The following ERBB3 variants were observed in gnomAD, a reference collection of about 807,000 sequenced individuals.
ERBB3 encodes erb-b2 receptor tyrosine kinase 3.
A neutral mutation model predicts 156.7 loss-of-function variants in ERBB3; 96 were observed. The observed-to-expected ratio is 0.61, with a 90% CI of 0.52 to 0.73. The LOEUF (loss-of-function observed/expected upper bound fraction) is 0.73, where lower values mean the gene tolerates loss of function less well. ERBB3 is among the 30% of genes least tolerant of loss of function. The pLI is 0.00. For synonymous variants in ERBB3, 567 were observed against 632.0 expected, an observed-to-expected ratio of 0.90 and a Z score of 1.54; for missense variants, 1,406 against 1,709.4, an observed-to-expected ratio of 0.82 and a Z score of 3.13.
intron 1 of ERBB3, among the ~76,000 whole-genome samples, chr12:56,081,621 C>T (rs995882657): frequency 3.9e-5 from 6 of 152,160 alleles, no homozygotes; most frequent in Admixed American, 3.9e-4. Context: ...CTGCAATCTT[C>T]ACCCAGAAAC....
intron 1 of ERBB3, among the ~76,000 whole-genome samples, chr12:56,082,972 T>C (rs1868372139): frequency 1.3e-5 from 2 of 152,070 alleles, no homozygotes; most frequent in African/African-American, 4.8e-5. Flanking sequence ...TAGAGTGTGT[T>C]GGGATGGGGG....
Position 56,094,404 on chromosome 12 carries a change from C to A in ERBB3, c.1707C>A (p.Gly569=), listed in dbSNP as rs1565859670. Residue 569 remains glycine (G), a splice_region_variant and synonymous_variant, in exon 15 of 28, where the codon GGC becomes GGA. Transcript: ENST00000267101. The part of the protein sequence containing the change: ...MEGTATCNGS[G]SDTCAQCAHF... ...CTGACCTTCTCTCTTCCACTCAGGG[C>A]TCTGATACTTGTGCTCAATGTGCCC... is the stretch of plus-strand genomic sequence containing the variant. 3 of 1,614,122 alleles carry A rather than the reference C, an allele frequency of 1.9e-6. No individual in the cohort carries two copies. The highest frequency in any genetic ancestry group is 2.2e-5 in the South Asian group (2 of 91,080).
chr12:56,094,380 T>C lies in ERBB3; in HGVS notation c.1705-22T>C, dbSNP rs368190353. 2.5e-5 allele frequency: 41 copies of C among 1,613,966 alleles called. No homozygotes were observed. In the East Asian group the frequency reaches 2.7e-4, roughly 11 times the overall value. ...ATTGACCTTGGGATCTGATTCTTCC[T>C]GACCTTCTCTCTTCCACTCAGGGCT... On this transcript the variant is annotated intron_variant, in intron 14 of 27. Coordinates refer to ENST00000267101, the MANE Select transcript of ERBB3 (RefSeq NM_001982.4).
intron 5 of ERBB3, 27 bp downstream of exon 5, chr12:56,087,669 T>G (rs1266752187): frequency 6.2e-7 from 1 of 1,611,668 alleles, no homozygotes; most frequent in East Asian, 2.2e-5. Context: ...CTCCAAAAAC[T>G]TCACTCATAC....
chr12:56,087,956 G>A (rs1295548818), intron 6 of ERBB3, 43 bp downstream of exon 6: 1 of 1,613,638 alleles, frequency 6.2e-7, no homozygotes, highest in African/African-American at 1.3e-5. Context: ...ATTGGGATGT[G>A]GCCTTTGAGG....
Position 56,092,769 on chromosome 12 carries a change from G to C in ERBB3, c.1132G>C (p.Ala378Pro). Residue 378 changes from alanine to proline, a missense_variant, in exon 10 of 28, where the codon GCC becomes CCC. Transcript: ENST00000267101. Reference sequence around the variant, plus strand: ...CAGAGACCCCTGGCACAAGATCCCTGCCCTGGACCCAGAGAAGCTCAATGT... The same window carrying C: ...CAGAGACCCCTGGCACAAGATCCCTCCCCTGGACCCAGAGAAGCTCAATGT... Reference protein sequence around the residue: ...LNGDPWHKIPALDPEKLNVFR... With the variant: ...LNGDPWHKIPPLDPEKLNVFR... 6.2e-7 allele frequency: 1 copy of C among 1,614,138 alleles called. No individual in the cohort carries two copies. The highest frequency in any genetic ancestry group is 1.1e-5 in the South Asian group (1 of 91,080).
intron 2 of ERBB3, among the ~76,000 whole-genome samples, chr12:56,084,598 C>CAA (rs34576601): frequency 0.45 from 56,193 of 125,068 alleles, 13,749 homozygotes; most frequent in East Asian, 0.77. Context: ...CCTGTCTCAC[C>CAA]AAAAAAAAAA....
intron 1 of ERBB3, among the ~76,000 whole-genome samples, chr12:56,081,358 A>C (rs1868352145): frequency 1.3e-5 from 2 of 152,144 alleles, no homozygotes; most frequent in Non-Finnish European, 2.9e-5. Context: ...GGGACCGTGG[A>C]CACCTGAGGA....
At chr12:56,095,459 G>T in intron 16 of ERBB3, 149 bp downstream of exon 16, 1 of 895,698 alleles carries the variant, frequency 1.1e-6, no homozygotes, top group Non-Finnish European at 1.8e-6. Context: ...CAAGAATGCA[G>T]GCTTCTGGAC....
rs138072655 is a variant in ERBB3 at position 56,095,829 on chromosome 12, T to C, written c.2055+23T>C. On this transcript the variant is annotated intron_variant, in intron 17 of 27. Transcript: ENST00000267101. The stretch of plus-strand genomic sequence containing the variant: ...GAGGTGAGTACTTAGCTTACTTTTG[T>C]TTTTTCTTTTCTTTTTTTGCATGTC... 7.5e-3 allele frequency: 12,131 copies of C among 1,613,924 alleles called. 69 individuals carry two copies. The highest frequency in any genetic ancestry group is 8.9e-3 in the Non-Finnish European group (10,485 of 1,179,866).
chr12:56,092,489 AT>A (rs1368503165), intron 9 of ERBB3, among the ~76,000 whole-genome samples: 1 of 151,236 alleles, frequency 6.6e-6, no homozygotes, highest in Non-Finnish European at 1.5e-5. Context: ...ATCCTTTACA[AT>A]CATTATTTAT....
In ERBB3 at chr12:56,095,238, TG is replaced by T; in HGVS notation, c.1860-17del. On this transcript the variant is annotated intron_variant, in intron 15 of 27. Transcript: ENST00000267101. Reference sequence around the variant, plus strand: ...CTGCTGTCCAAGCTCTCATTTAAGGTGGTGACTTTCTTCCCTAGGTGTAAAG... The same window carrying T: ...CTGCTGTCCAAGCTCTCATTTAAGGTGTGACTTTCTTCCCTAGGTGTAAAG... The T allele has an allele frequency of 6.3e-7, 1 of 1,599,248 alleles. No homozygotes were observed. Among genetic ancestry groups the T allele is most frequent in the Non-Finnish European group, 8.6e-7 (1 of 1,166,448 alleles).
chr12:56,092,600 A>G (rs1868751056), intron 9 of ERBB3, 147 bp from the exon 10 acceptor site: 1 of 695,254 alleles, frequency 1.4e-6, no homozygotes, highest in Non-Finnish European at 2.6e-6. Flanking sequence ...GGCTTATATT[A>G]TATTTCCCCC....
At chr12:56,080,439 C>A in intron 1 of ERBB3, 57 bp downstream of exon 1, 1 of 1,397,404 alleles carries the variant, frequency 7.2e-7, no homozygotes, top group South Asian at 1.2e-5. Context: ...ACCCAGTGCG[C>A]GCAGCCTCGG....
rs779896968 is a variant in ERBB3, at chr12:56,101,914, G to A, written c.3888G>A (p.Gln1296=). The change falls in exon 28 of 28, where the codon CAG becomes CAA. Residue 1296 remains glutamine, a synonymous_variant. Coordinates refer to ENST00000267101, the MANE Select transcript of ERBB3 (RefSeq NM_001982.4). ...EQGYEEMRAF[Q]GPGHQAPHVH... ...GGTATGAAGAGATGAGAGCTTTTCAGGGGCCTGGACATCAGGCCCCCCATG... is the reference window on the plus strand; with the variant it reads ...GGTATGAAGAGATGAGAGCTTTTCAAGGGCCTGGACATCAGGCCCCCCATG... The A allele has an allele frequency of 1.6e-4, 257 of 1,613,382 alleles. 3 individuals carry two copies. The South Asian group carries it at 2.7e-3, about 17-fold the overall frequency.
chr12:56,100,253 C>T lies in ERBB3; in HGVS notation c.3201+8C>T. 2 of 1,609,150 alleles carry T rather than the reference C, an allele frequency of 1.2e-6. No homozygotes were observed. Among genetic ancestry groups the T allele is most frequent in the South Asian group, 1.1e-5 (1 of 90,984 alleles). Reference sequence around the variant, plus strand: ...CTTGGGGAGTCTTGCCAGGTAAGTTCTGTTGCTGAGAGGCTGGGTTTTAGG... The same window carrying T: ...CTTGGGGAGTCTTGCCAGGTAAGTTTTGTTGCTGAGAGGCTGGGTTTTAGG... On this transcript the variant is annotated splice_region_variant and intron_variant, in intron 26 of 27. Transcript: ENST00000267101.
At chr12:56,086,489 C>T (rs762130727) in intron 3 of ERBB3, 42 bp from the exon 4 acceptor site, 7 of 1,613,324 alleles carry the variant, frequency 4.3e-6, no homozygotes, top group Non-Finnish European at 5.9e-6. Flanking sequence ...AAGAGGCGTT[C>T]CGCTGCGGCC....
chr12:56,091,266 TTATATATATATATATA>T (rs199547778), intron 9 of ERBB3, among the ~76,000 whole-genome samples: 1 of 43,424 alleles, frequency 2.3e-5, no homozygotes, highest in African/African-American at 1.2e-4. Flanking sequence ...TTGGCTAATT[TTATATATATATATATA>T]TATATATATA....
Position 56,088,767 on chromosome 12 carries a change from T to C in ERBB3, c.1008T>C (p.Ser336=), listed in dbSNP as rs1332219970. Residue 336 remains serine (S), a synonymous_variant, in exon 9 of 28, where the codon TCT becomes TCC. Transcript: ENST00000267101. Reference sequence around the variant, plus strand: ...TTGCAGCCTGTGAGGGAACAGGCTCTGGGAGCCGCTTCCAGACTGTGGACT... The same window carrying C: ...TTGCAGCCTGTGAGGGAACAGGCTCCGGGAGCCGCTTCCAGACTGTGGACT... ...LCPKACEGTG[S]GSRFQTVDSS... The C allele has an allele frequency of 1.6e-5, 26 of 1,614,038 alleles. No individual in the cohort carries two copies. Among genetic ancestry groups the C allele is most frequent in the Middle Eastern group, 1.6e-4 (1 of 6,084 alleles).
Sources: gnomAD v4.1 joint callset for allele counts (sites outside exome capture counted in the v4.1 genomes callset) on GRCh38, gnomAD v4.1.1 for gene constraint, MANE v1.5 for transcripts, NCBI Gene and HGNC (gene_info 2026-07-23, HGNC 2026-07-21) for gene names.